DARS1: variants seen among roughly 807,000 people sequenced by gnomAD.
The protein encoded by DARS1 is aspartyl-tRNA synthetase 1, also known as aspartate--tRNA ligase, cytoplasmic.
In DARS1, 51 loss-of-function variants were observed where a neutral mutation model predicts 68.8. The observed-to-expected ratio is 0.74, with a 90% CI of 0.59 to 0.94. The LOEUF (loss-of-function observed/expected upper bound fraction) is 0.94. Ranked by LOEUF, DARS1 falls within the 40% of genes least tolerant of loss-of-function variation. The probability of loss-of-function intolerance (pLI) is 0.00; values close to 1 mark genes in which losing one functional copy is unlikely to be tolerated. For missense variants in DARS1, 607 were observed against 597.3 expected, an observed-to-expected ratio of 1.02 and a Z score of -0.17; for synonymous variants, 203 against 190.4, an observed-to-expected ratio of 1.07 and a Z score of -0.55.
chr2:135,916,897 T>C (rs1204189747), intron 10 of DARS1, among the ~76,000 whole-genome samples: 3 of 152,110 alleles, frequency 2.0e-5, no homozygotes, highest in Non-Finnish European at 4.4e-5. Flanking sequence ...TTTATTGAGA[T>C]TTAAAAGGTC....
chr2:135,975,003 T>C lies in DARS1; in HGVS notation c.217+4271A>G, dbSNP rs576116520. Reference sequence around the variant, plus strand: ...TTATACAAATGAGAAAAATAAAATATATGTAAAAAAATATAGCCATACTAT... The same window carrying C: ...TTATACAAATGAGAAAAATAAAATACATGTAAAAAAATATAGCCATACTAT... On this transcript the variant is annotated intron_variant, in intron 3 of 15. Coordinates refer to ENST00000264161, the MANE Select transcript of DARS1 (RefSeq NM_001349.4). 2.8e-4 allele frequency among the ~76,000 whole-genome samples: 42 copies of C among 149,588 alleles called. No individual in the cohort carries two copies. The South Asian group carries it at 8.9e-3, about 32-fold the overall frequency.
intron 13 of DARS1, 61 bp from the exon 14 acceptor site, chr2:135,911,554 C>T (rs1027174612): frequency 2.8e-5 from 21 of 743,390 alleles, no homozygotes; most frequent in East Asian, 5.1e-5. Context: ...TACATATATA[C>T]GGAAAAAAAT....
intron 3 of DARS1, among the ~76,000 whole-genome samples, chr2:135,972,904 T>C (rs1682411172): frequency 6.6e-6 from 1 of 152,194 alleles, no homozygotes; most frequent in Non-Finnish European, 1.5e-5. Context: ...AAAAGGCTTA[T>C]ATCAAAAAGT....
chr2:135,907,255 TTTTTTTG>T lies in DARS1; in HGVS notation c.*54_*60del. The stretch of plus-strand genomic sequence containing the variant: ...AAGTGTGGCTTTCTTTTTTTTTTTT[TTTTTTTG>T]AGGCAGGGTCTCGCTCTGTCATCCA... On this transcript the variant is annotated 3_prime_UTR_variant, in exon 16 of 16. Coordinates refer to ENST00000264161, the MANE Select transcript of DARS1 (RefSeq NM_001349.4). The T allele has an allele frequency of 1.1e-6, 1 of 905,436 alleles. No individual in the cohort carries two copies. 56.1% of individuals were successfully genotyped at this position (905,436 alleles called of 1,614,324 possible).
rs1680781556 is a variant in DARS1, at chr2:135,906,403, A to G, written c.*913T>C. On this transcript the variant is annotated 3_prime_UTR_variant, in exon 16 of 16. Coordinates refer to ENST00000264161, the MANE Select transcript of DARS1 (RefSeq NM_001349.4). ...TAAGATGGGACTGGATTTTACTGAC[A>G]TTCACTAAGTATCAGTACCATTCCA... is the stretch of plus-strand genomic sequence containing the variant. Among the ~76,000 whole-genome samples the G allele has an allele frequency of 1.3e-5, 2 of 152,346 alleles. No homozygotes were observed. Among genetic ancestry groups the G allele is most frequent in the African/African-American group, 4.8e-5 (2 of 41,580 alleles).
At chr2:135,963,393 T>TG (rs1327026709) in intron 3 of DARS1, among the ~76,000 whole-genome samples, 1 of 151,596 alleles carries the variant, frequency 6.6e-6, no homozygotes, top group Non-Finnish European at 1.5e-5. Flanking sequence ...TTTTTTGAGA[T>TG]GGAGTTTTGC....
intron 5 of DARS1, among the ~76,000 whole-genome samples, chr2:135,942,413 C>A (rs1419525796): frequency 6.7e-6 from 1 of 149,348 alleles, no homozygotes; most frequent in African/African-American, 2.5e-5. Flanking sequence ...GGCAGAAAAC[C>A]AAACACCGCA....
At chr2:135,960,538 A>G (rs1682076728) in intron 4 of DARS1, among the ~76,000 whole-genome samples, 1 of 152,244 alleles carries the variant, frequency 6.6e-6, no homozygotes, top group Admixed American at 6.5e-5. Context: ...AAAAATCAAT[A>G]GAAAAAATAT....
chr2:135,946,229 C>T (rs1681717026), intron 4 of DARS1, among the ~76,000 whole-genome samples: 1 of 151,792 alleles, frequency 6.6e-6, no homozygotes, highest in South Asian at 2.1e-4. Flanking sequence ...TTTTAACTGA[C>T]ATTGTATATG....
intron 2 of DARS1, 108 bp downstream of exon 2, chr2:135,983,289 T>C: frequency 1.5e-6 from 1 of 681,810 alleles, no homozygotes; most frequent in Non-Finnish European, 2.6e-6. Flanking sequence ...TTTAAGCTTT[T>C]CAGAATTATA....
At chr2:135,926,740 G>A (rs749802059) in intron 7 of DARS1, among the ~76,000 whole-genome samples, 3 of 152,192 alleles carry the variant, frequency 2.0e-5, no homozygotes, top group Non-Finnish European at 2.9e-5. Flanking sequence ...ATCACATTGT[G>A]CGAGCGAATT....
intron 10 of DARS1, among the ~76,000 whole-genome samples, chr2:135,918,834 G>A (rs1326274534): frequency 6.6e-6 from 1 of 152,076 alleles, no homozygotes; most frequent in African/African-American, 2.4e-5. Context: ...TGTCTTATAA[G>A]GAAAATGTTA....
chr2:135,938,034 T>C (rs983406215), intron 5 of DARS1, among the ~76,000 whole-genome samples: 34 of 152,208 alleles, frequency 2.2e-4, no homozygotes, highest in Admixed American at 5.9e-4. Context: ...AATGTTGGCC[T>C]GCCTTGCTAG....
At chr2:135,949,173 G>A (rs1317627243) in intron 4 of DARS1, among the ~76,000 whole-genome samples, 3 of 152,082 alleles carry the variant, frequency 2.0e-5, no homozygotes, top group Admixed American at 1.3e-4. Context: ...AGAGTGGGAA[G>A]TATTATATAA....
At chr2:135,957,174 C>A (rs1681994533) in intron 4 of DARS1, among the ~76,000 whole-genome samples, 1 of 152,098 alleles carries the variant, frequency 6.6e-6, no homozygotes, top group Admixed American at 6.5e-5. Flanking sequence ...AGGTGATTCT[C>A]CCACCTCAGC....
At chr2:135,914,142 C>G (rs1255552141) in intron 12 of DARS1, among the ~76,000 whole-genome samples, 1 of 152,162 alleles carries the variant, frequency 6.6e-6, no homozygotes. Context: ...CAGGGGTACA[C>G]AGGGAAGACC....
intron 4 of DARS1, among the ~76,000 whole-genome samples, chr2:135,954,599 G>A (rs960345577): frequency 6.6e-6 from 1 of 152,070 alleles, no homozygotes; most frequent in Non-Finnish European, 1.5e-5. Flanking sequence ...ACAGAGAAGA[G>A]GCATCCAAAT....
intron 4 of DARS1, among the ~76,000 whole-genome samples, chr2:135,952,095 G>A (rs556489132): frequency 1.3e-5 from 2 of 152,146 alleles, no homozygotes; most frequent in Non-Finnish European, 2.9e-5. Flanking sequence ...ACAAAAATTA[G>A]CTGGGCGTGG....
At chr2:135,984,038 G>A (rs1490794609) in intron 1 of DARS1, among the ~76,000 whole-genome samples, 2 of 152,172 alleles carry the variant, frequency 1.3e-5, no homozygotes, top group Non-Finnish European at 2.9e-5. Flanking sequence ...CCAGGTTACA[G>A]GAGTTTGACA....
Sources: gnomAD v4.1 joint callset for allele counts (sites outside exome capture counted in the v4.1 genomes callset) on GRCh38, gnomAD v4.1.1 for gene constraint, MANE v1.5 for transcripts, NCBI Gene and HGNC (gene_info 2026-07-23, HGNC 2026-07-21) for gene names.